Variants in TRDN observed in about 807,000 individuals in gnomAD.
TRDN encodes the protein triadin.
TRDN carries 161 observed loss-of-function variants against 149.7 expected under a neutral mutation model. The observed-to-expected ratio is 1.08, with a 90% CI of 0.95 to 1.23. The LOEUF (loss-of-function observed/expected upper bound fraction) is 1.23, where lower values mean the gene tolerates loss of function less well. Among genes scored for constraint, TRDN ranks in the 50% most tolerant of loss-of-function variants. The pLI, the probability that TRDN is intolerant of heterozygous loss-of-function variation, is 0.00. For missense variants in TRDN, 896 were observed against 823.5 expected, an observed-to-expected ratio of 1.09 and a Z score of -1.08; for synonymous variants, 294 against 250.5, an observed-to-expected ratio of 1.17 and a Z score of -1.64.
At position 123,276,787 on chromosome 6, in the gene TRDN, A is replaced by T. The variant is rs558799818; in HGVS notation, c.1567+1531T>A. Among the ~76,000 whole-genome samples the T allele has an allele frequency of 2.6e-5, 4 of 152,158 alleles. No homozygotes were observed. In the East Asian group the frequency reaches 7.7e-4, roughly 29 times the overall value. Reference sequence around the variant, plus strand: ...TTTCGAGAATTTTAAAGAAGCAAAAACAATGCCAGCCTGGACAAAAAAGGG... The same window carrying T: ...TTTCGAGAATTTTAAAGAAGCAAAATCAATGCCAGCCTGGACAAAAAAGGG... On this transcript the variant is annotated intron_variant, in intron 26 of 40. Transcript: ENST00000334268.
chr6:123,287,526 A>T (rs1777843593), intron 24 of TRDN, among the ~76,000 whole-genome samples: 1 of 152,290 alleles, frequency 6.6e-6, no homozygotes, highest in Non-Finnish European at 1.5e-5. Flanking sequence ...ACACAAAGGA[A>T]TGGCTGTTTG....
rs80134308 is a variant in TRDN, at chr6:123,303,478, T to C, written c.1510+12979A>G. On this transcript the variant is annotated intron_variant, in intron 24 of 40. Coordinates refer to ENST00000334268, the MANE Select transcript of TRDN (RefSeq NM_006073.4). ...ACGACATGAATACCACATGATACAT[T>C]AGAAGAAAACATGTGCAAACAGACC... is the stretch of plus-strand genomic sequence containing the variant. Among the ~76,000 whole-genome samples the C allele has an allele frequency of 3.0e-3, 463 of 152,244 alleles. 15 individuals are homozygous for C. The East Asian group carries it at 0.076, about 25-fold the overall frequency.
Position 123,619,971 on chromosome 6 carries a change from T to C in TRDN, c.22+16783A>G, listed in dbSNP as rs113872460. On this transcript the variant is annotated intron_variant, in intron 1 of 40. Coordinates refer to ENST00000334268, the MANE Select transcript of TRDN (RefSeq NM_006073.4). Reference sequence around the variant, plus strand: ...TGACCTCCACACACTTTTGCTCTCTTCCAGGCAAATAGTTTCTCTCTTTGA... The same window carrying C: ...TGACCTCCACACACTTTTGCTCTCTCCCAGGCAAATAGTTTCTCTCTTTGA... Among the ~76,000 whole-genome samples the C allele has an allele frequency of 1.8e-3, 268 of 152,236 alleles. 1 individual carries two copies. Among genetic ancestry groups the C allele is most frequent in the African/African-American group, 6.2e-3 (259 of 41,554 alleles).
intron 7 of TRDN, among the ~76,000 whole-genome samples, chr6:123,506,274 G>A (rs1055030120): frequency 2.6e-5 from 4 of 152,034 alleles, no homozygotes; most frequent in African/African-American, 9.7e-5. Flanking sequence ...ATAAATTTTA[G>A]CACAGCAAAA....
Position 123,263,331 on chromosome 6 carries a change from A to C in TRDN, c.1804+1987T>G, listed in dbSNP as rs71574816. Among the ~76,000 whole-genome samples, 264 of 152,182 alleles carry C rather than the reference A, an allele frequency of 1.7e-3. 3 individuals carry two copies. The highest frequency in any genetic ancestry group is 8.2e-4 in the Non-Finnish European group (56 of 67,994). ...TCTATGAAGGCTGAGAGAAGTGAGG[A>C]AACTGCAGAAGAAAAGTTGGAAGCT... On this transcript the variant is annotated intron_variant, in intron 33 of 40. Coordinates refer to ENST00000334268, the MANE Select transcript of TRDN (RefSeq NM_006073.4).
chr6:123,624,084 T>G (rs2114720230), intron 1 of TRDN, among the ~76,000 whole-genome samples: 1 of 152,232 alleles, frequency 6.6e-6, no homozygotes, highest in African/African-American at 2.4e-5. Context: ...CATTTCATCC[T>G]TAGAATTAAA....
rs75718885 is a variant in TRDN at position 123,464,291 on chromosome 6, A to C, written c.931+615T>G. On this transcript the variant is annotated intron_variant, in intron 10 of 40. Transcript: ENST00000334268. Reference sequence around the variant, plus strand: ...AATTTATTACAAAGCTGATCTTGAGACATCATATTTTCAAGAATTATTAGT... The same window carrying C: ...AATTTATTACAAAGCTGATCTTGAGCCATCATATTTTCAAGAATTATTAGT... The C allele has an allele frequency of 1.3e-4, 124 of 985,092 alleles. No individual in the cohort carries two copies. In the African/African-American group the frequency reaches 2.1e-3, roughly 16 times the overall value. 61.0% of individuals were successfully genotyped at this position (985,092 alleles called of 1,614,324 possible). A position where few individuals can be genotyped will look rare whatever the true frequency, so the allele number is the denominator to read the frequency against.
chr6:123,279,191 A>G, intron 24 of TRDN, 109 bp from the exon 25 acceptor site: 1 of 850,874 alleles, frequency 1.2e-6, no homozygotes, highest in Non-Finnish European at 1.7e-6. Context: ...AACAATGTAG[A>G]CCCCACCTAT....
intron 19 of TRDN, among the ~76,000 whole-genome samples, chr6:123,373,633 G>A (rs925362135): frequency 6.6e-6 from 1 of 152,012 alleles, no homozygotes; most frequent in Non-Finnish European, 1.5e-5. Flanking sequence ...CAGTCTTAAT[G>A]ACAAATCCCC....
Position 123,517,911 on chromosome 6 carries a change from A to G in TRDN, c.485-1705T>C, listed in dbSNP as rs1369848384. On this transcript the variant is annotated intron_variant, in intron 5 of 40. Transcript: ENST00000334268. ...TATTGTTAATATCTCTACTCAGTAAATGAAATCCTTAGGGGCTACATCATA... is the reference window on the plus strand; with the variant it reads ...TATTGTTAATATCTCTACTCAGTAAGTGAAATCCTTAGGGGCTACATCATA... 1.3e-5 allele frequency among the ~76,000 whole-genome samples: 2 copies of G among 152,156 alleles called. 1 individual carries two copies. Among genetic ancestry groups the G allele is most frequent in the South Asian group, 4.1e-4 (2 of 4,826 alleles).
chr6:123,438,731 A>AT (rs1175667419), intron 11 of TRDN, among the ~76,000 whole-genome samples: 1 of 152,166 alleles, frequency 6.6e-6, no homozygotes, highest in East Asian at 1.9e-4. Context: ...CACAGTAGTA[A>AT]TTTTCAAAAA....
intron 12 of TRDN, among the ~76,000 whole-genome samples, chr6:123,403,800 T>C (rs1187354673): frequency 1.3e-5 from 2 of 152,044 alleles, no homozygotes; most frequent in South Asian, 2.1e-4. Context: ...AGAAAAGTTT[T>C]GCGAATCAAA....
At chr6:123,447,823 G>A (rs1359252347) in intron 10 of TRDN, among the ~76,000 whole-genome samples, 1 of 151,020 alleles carries the variant, frequency 6.6e-6, no homozygotes, top group Non-Finnish European at 1.5e-5. Context: ...TCAACTGCAA[G>A]AACAAATCAG....
At chr6:123,539,949 C>T (rs939817234) in intron 4 of TRDN, among the ~76,000 whole-genome samples, 1 of 152,108 alleles carries the variant, frequency 6.6e-6, no homozygotes, top group African/African-American at 2.4e-5. Flanking sequence ...AAGGCTTGAC[C>T]CCTACAGATT....
chr6:123,626,319 A>G (rs936921502), intron 1 of TRDN, among the ~76,000 whole-genome samples: 1 of 152,024 alleles, frequency 6.6e-6, no homozygotes, highest in African/African-American at 2.4e-5. Flanking sequence ...CCGTCTCTAC[A>G]AAAACATACA....
intron 27 of TRDN, among the ~76,000 whole-genome samples, chr6:123,273,623 A>T (rs1777276653): frequency 6.6e-6 from 1 of 152,038 alleles, no homozygotes; most frequent in Admixed American, 6.6e-5. Flanking sequence ...TTGTAATGTA[A>T]CAAGGCTGTT....
rs373052594 is a variant in TRDN, at chr6:123,266,513, A to G, written c.1784-1175T>C. 7.0e-3 allele frequency among the ~76,000 whole-genome samples: 154 copies of G among 22,026 alleles called. 12 individuals carry two copies. The highest frequency in any genetic ancestry group is 0.014 in the African/African-American group (54 of 3,954). The allele number at this position is 22,026 out of a possible 152,430, so 14.4% of individuals were successfully genotyped here. The stretch of plus-strand genomic sequence containing the variant: ...GTATTATATATAATATATATATTAT[A>G]ATATGTATTATATATAATATATATA... On this transcript the variant is annotated intron_variant, in intron 32 of 40. Transcript: ENST00000334268.
chr6:123,337,180 TA>T (rs1256628186), intron 22 of TRDN, among the ~76,000 whole-genome samples: 2 of 152,030 alleles, frequency 1.3e-5, no homozygotes, highest in African/African-American at 4.8e-5. Context: ...TACCAAATAT[TA>T]CTTCCTATTT....
Position 123,266,097 on chromosome 6 carries a change from ATTATATATC to A in TRDN, c.1784-768_1784-760del, listed in dbSNP as rs779703408. ...TTTTGTGTTTATATATATTATATAT[ATTATATATC>A]ATATGTATTATATATTATATATATT... On this transcript the variant is annotated intron_variant, in intron 32 of 40. Coordinates refer to ENST00000334268, the MANE Select transcript of TRDN (RefSeq NM_006073.4). Among the ~76,000 whole-genome samples the A allele has an allele frequency of 1.5e-3, 197 of 129,862 alleles. No homozygotes were observed. The East Asian group carries it at 0.037, about 25-fold the overall frequency. The allele number at this position is 129,862 out of a possible 152,430, so 85.2% of individuals were successfully genotyped here.
Sources: gnomAD v4.1 joint callset for allele counts (sites outside exome capture counted in the v4.1 genomes callset) on GRCh38, gnomAD v4.1.1 for gene constraint, MANE v1.5 for transcripts, NCBI Gene and HGNC (gene_info 2026-07-23, HGNC 2026-07-21) for gene names.